GRHL3: variants seen among roughly 807,000 people sequenced by gnomAD.
GRHL3 encodes the protein grainyhead-like protein 3 homolog.
GRHL3 carries 20 observed loss-of-function variants against 70.3 expected under a neutral mutation model. The ratio of observed to expected loss-of-function variants is 0.28; its 90% CI spans 0.20 to 0.41. GRHL3 has a LOEUF of 0.41. Among genes scored for constraint, GRHL3 ranks in the 10% least tolerant of loss-of-function variants. GRHL3 has a pLI of 1.00. For synonymous variants in GRHL3, 299 were observed against 299.9 expected (o/e 1.00, Z 0.03); for missense variants, 637 against 762.3 (o/e 0.84, Z 1.94).
rs1181332597 is a variant in GRHL3, at chr1:24,321,336, A to G, written c.17+1768A>G. 6.6e-6 allele frequency among the ~76,000 whole-genome samples: 1 copy of G among 152,202 alleles called. No homozygotes were observed. Among genetic ancestry groups the G allele is most frequent in the Non-Finnish European group, 1.5e-5 (1 of 68,024 alleles). ...GCTGAGTAATTGCAGGCGGACTCCA[A>G]GCCACCATTTGAGATTACAGTGGCA... On this transcript the variant is annotated intron_variant, in intron 1 of 15. Coordinates refer to ENST00000361548, the MANE Select transcript of GRHL3 (RefSeq NM_198173.3). The surrounding 1 kb of genome is among the most constrained non-coding windows in gnomAD (Gnocchi z 4.0).
chr1:24,336,218 T>G (rs1434520170), intron 3 of GRHL3, among the ~76,000 whole-genome samples: 1 of 151,860 alleles, frequency 6.6e-6, no homozygotes, highest in African/African-American at 2.4e-5. Context: ...TTTCAGGGTT[T>G]TTTTTTTTTT....
intron 7 of GRHL3, among the ~76,000 whole-genome samples, chr1:24,338,780 T>G (rs1639925031): frequency 6.6e-6 from 1 of 152,234 alleles, no homozygotes; most frequent in Admixed American, 6.5e-5. Context: ...GAGCATGGGT[T>G]CAGGAGCCAG....
rs998820303 is a variant in GRHL3, at chr1:24,354,966, G to A, written c.*478G>A. The A allele has an allele frequency of 1.9e-5, 3 of 156,470 alleles. No homozygotes were observed. Among genetic ancestry groups the A allele is most frequent in the African/African-American group, 7.2e-5 (3 of 41,534 alleles). The allele number at this position is 156,470 out of a possible 1,614,324, so 9.7% of individuals were successfully genotyped here. On this transcript the variant is annotated 3_prime_UTR_variant, in exon 16 of 16. Coordinates refer to ENST00000361548, the MANE Select transcript of GRHL3 (RefSeq NM_198173.3). ...AACTTGAAAACTCTTGATTTTCAGT[G>A]CAAATGACTTTTAAAAGACACTATA...
intron 13 of GRHL3, 52 bp from the exon 14 acceptor site, chr1:24,347,416 T>C: frequency 1.4e-6 from 2 of 1,433,350 alleles, no homozygotes; most frequent in African/African-American, 2.8e-5. Flanking sequence ...GCCCCTGAGA[T>C]GATCCTGTTC....
At chr1:24,352,083 C>T (rs1640534418) in intron 15 of GRHL3, among the ~76,000 whole-genome samples, 1 of 152,168 alleles carries the variant, frequency 6.6e-6, no homozygotes, top group Non-Finnish European at 1.5e-5. Flanking sequence ...GCCAGGGCAT[C>T]ACTCAGCAGC....
intron 8 of GRHL3, among the ~76,000 whole-genome samples, chr1:24,340,264 G>A (rs950375939): frequency 2.0e-5 from 3 of 152,176 alleles, no homozygotes; most frequent in Non-Finnish European, 4.4e-5. Flanking sequence ...AAATGCGAAG[G>A]AGTCCGGTGA....
At position 24,323,104 on chromosome 1, in the gene GRHL3, C is replaced by A. The variant is rs1451257747; in HGVS notation, c.17+3536C>A. ...CAGAAGAATGTGGATGAATTCCATT[C>A]TTCCTATTTTTCTGTAGGTTCTACA... On this transcript the variant is annotated intron_variant, in intron 1 of 15. Transcript: ENST00000361548. 3.9e-6 allele frequency: 6 copies of A among 1,541,218 alleles called. No homozygotes were observed. In the East Asian group the frequency reaches 1.5e-4, roughly 38 times the overall value.
At chr1:24,344,698 C>T (rs1269522423) in intron 11 of GRHL3, among the ~76,000 whole-genome samples, 199 bp from the exon 12 acceptor site, 1 of 151,882 alleles carries the variant, frequency 6.6e-6, no homozygotes, top group Admixed American at 6.6e-5. Flanking sequence ...CCATCCAGCT[C>T]GGGCTGGGTG....
intron 3 of GRHL3, among the ~76,000 whole-genome samples, chr1:24,335,431 T>C (rs1639761593): frequency 6.6e-6 from 1 of 152,220 alleles, no homozygotes; most frequent in Admixed American, 6.5e-5. Flanking sequence ...CAAATGACCC[T>C]GTAGGGCCTC....
intron 15 of GRHL3, chr1:24,360,890 A>G (rs1271722526): frequency 1.2e-6 from 2 of 1,613,594 alleles, no homozygotes; most frequent in East Asian, 2.2e-5. Context: ...GCCGCTGTCC[A>G]CCGGCTGGTA....
chr1:24,345,166 C>T (rs373889018), intron 12 of GRHL3, among the ~76,000 whole-genome samples: 1 of 56,972 alleles, frequency 1.8e-5, no homozygotes, highest in Non-Finnish European at 3.7e-5. Context: ...GCCCCCTCCA[C>T]ACCTGTGCCC....
intron 1 of GRHL3, among the ~76,000 whole-genome samples, chr1:24,330,707 T>C (rs1031376884): frequency 6.6e-6 from 1 of 152,256 alleles, no homozygotes; most frequent in Non-Finnish European, 1.5e-5. Context: ...AAGCCTTTCC[T>C]GATCTCTTTC....
At chr1:24,320,673 C>G (rs1446867335) in intron 1 of GRHL3, among the ~76,000 whole-genome samples, 17 of 152,210 alleles carry the variant, frequency 1.1e-4, no homozygotes, top group Non-Finnish European at 2.9e-5. Flanking sequence ...AGACCGGATT[C>G]TATGTTCTAG....
intron 14 of GRHL3, 113 bp from the exon 15 acceptor site, chr1:24,349,945 A>G (rs1458148454): frequency 1.4e-6 from 1 of 701,458 alleles, no homozygotes; most frequent in African/African-American, 1.8e-5. Context: ...TTTGCCCACA[A>G]TATGCATATG....
chr1:24,322,991 C>A lies in GRHL3; in HGVS notation c.17+3423C>A. The A allele has an allele frequency of 8.4e-7, 1 of 1,197,040 alleles. No homozygotes were observed. The highest frequency in any genetic ancestry group is 1.2e-6 in the Non-Finnish European group (1 of 828,528). 74.2% of individuals were successfully genotyped at this position (1,197,040 alleles called of 1,614,324 possible). A position where few individuals can be genotyped will look rare whatever the true frequency, so the allele number is the denominator to read the frequency against. Reference sequence around the variant, plus strand: ...TCTTAACCGGGTCTTAGCCGAGCAGCCATAGGCCACCCCGCTTCCTCTGTG... The same window carrying A: ...TCTTAACCGGGTCTTAGCCGAGCAGACATAGGCCACCCCGCTTCCTCTGTG... On this transcript the variant is annotated intron_variant, in intron 1 of 15. Coordinates refer to ENST00000361548, the MANE Select transcript of GRHL3 (RefSeq NM_198173.3). The surrounding 1 kb of genome is among the most constrained non-coding windows in gnomAD (Gnocchi z 4.4).
chr1:24,357,574 G>C (rs531628362), downstream of GRHL3: 1 of 156,560 alleles, frequency 6.4e-6, no homozygotes, highest in East Asian at 1.9e-4. Flanking sequence ...CTTCTCTGGA[G>C]AGGCCACAGT....
downstream of GRHL3, chr1:24,357,577 GC>G (rs1196838583): frequency 3.2e-5 from 5 of 157,182 alleles, no homozygotes; most frequent in African/African-American, 1.2e-4. Flanking sequence ...CTCTGGAGAG[GC>G]CACAGTTGTA....
At chr1:24,329,488 T>C (rs1557692514) in intron 1 of GRHL3, among the ~76,000 whole-genome samples, 1 of 152,240 alleles carries the variant, frequency 6.6e-6, no homozygotes, top group Non-Finnish European at 1.5e-5. Context: ...GCAGTGTGGC[T>C]GCGTGGCAAG....
intron 2 of GRHL3, among the ~76,000 whole-genome samples, chr1:24,332,972 G>C (rs1268063895): frequency 6.6e-6 from 1 of 152,188 alleles, no homozygotes; most frequent in Non-Finnish European, 1.5e-5. Context: ...TGGCTGCCTT[G>C]GCTTGGGGCC....
Sources: allele counts gnomAD v4.1 joint callset (sites outside exome capture counted in the v4.1 genomes callset), GRCh38; gene constraint gnomAD v4.1.1; non-coding constraint Gnocchi (gnomAD v3.1); transcripts MANE v1.5; gene names NCBI Gene and HGNC (gene_info 2026-07-23, HGNC 2026-07-21).